The following CAMTA1 variants were observed in gnomAD, a reference collection of about 807,000 sequenced individuals.
CAMTA1 encodes the protein calmodulin binding transcription activator 1, also known as calmodulin-binding transcription activator 1.
A neutral mutation model predicts 170.9 loss-of-function variants in CAMTA1; 27 were observed. The observed-to-expected ratio is 0.16, with a 90% CI of 0.12 to 0.22. The LOEUF (loss-of-function observed/expected upper bound fraction) is 0.22, where lower values mean the gene tolerates loss of function less well. Ranked by LOEUF, CAMTA1 falls within the 10% of genes least tolerant of loss-of-function variation. The pLI is 1.00. For synonymous variants in CAMTA1, 833 were observed against 891.5 expected (o/e 0.93, Z 1.17); for missense variants, 1,619 against 2,217.2 (o/e 0.73, Z 5.42).
At chr1:6,984,999 A>G (rs937230307) in intron 3 of CAMTA1, among the ~76,000 whole-genome samples, 14 of 152,186 alleles carry the variant, frequency 9.2e-5, no homozygotes, top group African/African-American at 2.9e-4. Flanking sequence ...TAGACTGCCT[A>G]TGGGTCTGAC....
chr1:7,283,010 T>A (rs146411062), intron 5 of CAMTA1, among the ~76,000 whole-genome samples: 4 of 152,282 alleles, frequency 2.6e-5, no homozygotes, highest in African/African-American at 9.6e-5. Context: ...TAGTGGGAAT[T>A]TGGAACAACC....
chr1:7,753,505 A>G (rs549260326), intron 21 of CAMTA1, among the ~76,000 whole-genome samples: 11 of 152,298 alleles, frequency 7.2e-5, no homozygotes, highest in Admixed American at 6.5e-4. Flanking sequence ...TAGTATTCAT[A>G]TTTAATTGGA....
At chr1:7,706,986 A>G (rs1204434682) in intron 11 of CAMTA1, among the ~76,000 whole-genome samples, 1 of 149,170 alleles carries the variant, frequency 6.7e-6, no homozygotes, top group Non-Finnish European at 1.5e-5. Context: ...TCCCGGGTTC[A>G]AGTGATTCTC....
chr1:7,577,074 C>A (rs1221986770), intron 6 of CAMTA1, among the ~76,000 whole-genome samples: 1 of 152,196 alleles, frequency 6.6e-6, no homozygotes, highest in East Asian at 1.9e-4. Flanking sequence ...GACTCAGTAG[C>A]CTGGGCTGTG....
intron 5 of CAMTA1, among the ~76,000 whole-genome samples, chr1:7,309,800 G>C (rs961594416): frequency 6.6e-6 from 1 of 151,890 alleles, no homozygotes; most frequent in Non-Finnish European, 1.5e-5. Flanking sequence ...ACCACTTCAA[G>C]TGGAACATAG....
Position 6,965,321 on chromosome 1 carries a change from G to A in CAMTA1, c.235-125983G>A, listed in dbSNP as rs772370220. On this transcript the variant is annotated intron_variant, in intron 3 of 22. Transcript: ENST00000303635. This position sits in a 1 kb window ranked among gnomAD's most constrained non-coding sequence, Gnocchi z 4.1. ...TGTCTGTGCATGTGTGTATGTGTGT[G>A]GGTGTGTGTGTAGGGGGCACGCAGC... 7.9e-5 allele frequency among the ~76,000 whole-genome samples: 12 copies of A among 152,170 alleles called. No individual in the cohort carries two copies. Among genetic ancestry groups the A allele is most frequent in the Non-Finnish European group, 1.2e-4 (8 of 68,030 alleles).
intron 3 of CAMTA1, among the ~76,000 whole-genome samples, chr1:7,051,543 G>C (rs750857688): frequency 6.6e-6 from 1 of 152,220 alleles, no homozygotes; most frequent in Non-Finnish European, 1.5e-5. Flanking sequence ...AGTGGGTCCT[G>C]ATTGCCAGGT....
chr1:6,921,679 A>G (rs1418849746), intron 3 of CAMTA1, among the ~76,000 whole-genome samples: 1 of 152,200 alleles, frequency 6.6e-6, no homozygotes, highest in Non-Finnish European at 1.5e-5. Context: ...CCTCACAATC[A>G]TGGTGGAAGG....
rs1411517968 is a variant in CAMTA1 at position 7,585,384 on chromosome 1, G to A, written c.511-55016G>A. 6.6e-6 allele frequency among the ~76,000 whole-genome samples: 1 copy of A among 152,186 alleles called. No homozygotes were observed. Among genetic ancestry groups the A allele is most frequent in the Non-Finnish European group, 1.5e-5 (1 of 68,036 alleles). On this transcript the variant is annotated intron_variant, in intron 6 of 22. Transcript: ENST00000303635. The surrounding 1 kb of genome is among the most constrained non-coding windows in gnomAD (Gnocchi z 4.8). ...CTGGGAGCAGATCTAGGGAATGGCAGTCCTAACAGAGGGAAGAGTATGTGC... is the reference window on the plus strand; with the variant it reads ...CTGGGAGCAGATCTAGGGAATGGCAATCCTAACAGAGGGAAGAGTATGTGC...
At position 7,745,853 on chromosome 1, in the gene CAMTA1, A is replaced by T; in HGVS notation, c.4379A>T (p.Tyr1460Phe). The T allele has an allele frequency of 6.2e-7, 1 of 1,614,198 alleles. No individual in the cohort carries two copies. The highest frequency in any genetic ancestry group is 2.2e-5 in the East Asian group (1 of 44,884). The change falls in exon 18 of 23, where the codon TAT becomes TTT. Residue 1460 changes from tyrosine (Y) to phenylalanine (F), a missense_variant. By Grantham distance (22) the Tyr-to-Phe change is conservative. Around this residue, in one of 8 missense-constraint regions of CAMTA1, gnomAD observed 370 missense variants for 429.4 expected, o/e 0.86. Coordinates refer to ENST00000303635, the MANE Select transcript of CAMTA1 (RefSeq NM_015215.4). ...LPSAAQIRSA[Y>F]NEPLTPSSNT... ...TTCTCCTCTTGTTTCAGAAGTGCATATAACGAGCCTCTAACCCCTTCTTCT... is the reference window on the plus strand; with the variant it reads ...TTCTCCTCTTGTTTCAGAAGTGCATTTAACGAGCCTCTAACCCCTTCTTCT...
At chr1:7,613,360 G>A (rs1041870759) in intron 6 of CAMTA1, among the ~76,000 whole-genome samples, 11 of 152,292 alleles carry the variant, frequency 7.2e-5, no homozygotes, top group African/African-American at 2.6e-4. Context: ...AGGGAGGAGG[G>A]TCCTGAGTGG....
intron 3 of CAMTA1, among the ~76,000 whole-genome samples, chr1:6,899,322 C>A (rs919492062): frequency 8.5e-5 from 13 of 152,166 alleles, no homozygotes; most frequent in African/African-American, 3.1e-4. Flanking sequence ...ATTTTGAATC[C>A]TTTTCTTCAG....
intron 3 of CAMTA1, among the ~76,000 whole-genome samples, chr1:7,077,803 C>T (rs763348966): frequency 6.6e-6 from 1 of 152,082 alleles, no homozygotes; most frequent in Non-Finnish European, 1.5e-5. Context: ...GCAAAATGCC[C>T]ACTTCTGCTG....
Position 7,766,678 on chromosome 1 carries a change from G to A in CAMTA1, c.*187G>A, listed in dbSNP as rs539555112. The A allele has an allele frequency of 3.8e-5, 20 of 526,916 alleles. No homozygotes were observed. The East Asian group carries it at 5.4e-4, about 14-fold the overall frequency. The allele number at this position is 526,916 out of a possible 1,614,324, so 32.6% of individuals were successfully genotyped here. ...GCAGGATTTTAACAGGAATGTTTTG[G>A]TCATTGCATTTGCACTTTCATGGAC... On this transcript the variant is annotated 3_prime_UTR_variant, in exon 23 of 23. Coordinates refer to ENST00000303635, the MANE Select transcript of CAMTA1 (RefSeq NM_015215.4).
At chr1:7,584,847 G>A (rs1029354251) in intron 6 of CAMTA1, among the ~76,000 whole-genome samples, 9 of 152,118 alleles carry the variant, frequency 5.9e-5, no homozygotes, top group African/African-American at 1.2e-4. Context: ...GGTGGAGGCC[G>A]GGGACACTGT....
intron 3 of CAMTA1, among the ~76,000 whole-genome samples, chr1:6,911,786 G>A (rs1382994966): frequency 1.3e-5 from 2 of 152,162 alleles, no homozygotes; most frequent in African/African-American, 2.4e-5. Flanking sequence ...TAACAACTTC[G>A]AGTGATTCCC....
At chr1:6,907,859 G>A (rs770953069) in intron 3 of CAMTA1, among the ~76,000 whole-genome samples, 55 of 152,242 alleles carry the variant, frequency 3.6e-4, no homozygotes, top group Non-Finnish European at 6.3e-4. Context: ...CAGACCTGGC[G>A]CAGTTCCAGC....
intron 5 of CAMTA1, among the ~76,000 whole-genome samples, chr1:7,457,912 C>G (rs1449640415): frequency 1.3e-5 from 2 of 152,186 alleles, no homozygotes; most frequent in Non-Finnish European, 2.9e-5. Flanking sequence ...CTCCGGCCGA[C>G]CCAGATACCC....
intron 3 of CAMTA1, among the ~76,000 whole-genome samples, chr1:7,056,417 G>C (rs1419738624): frequency 6.6e-6 from 1 of 152,200 alleles, no homozygotes; most frequent in Non-Finnish European, 1.5e-5. Context: ...ATCAGGCTGA[G>C]GCCTTGTGGG....
Sources: allele counts gnomAD v4.1 joint callset (sites outside exome capture counted in the v4.1 genomes callset), GRCh38; gene constraint gnomAD v4.1.1; regional missense constraint gnomAD v4.1.1; non-coding constraint Gnocchi (gnomAD v3.1); transcripts MANE v1.5; gene names NCBI Gene and HGNC (gene_info 2026-07-23, HGNC 2026-07-21).